The following MSI2 variants were observed in gnomAD, a reference collection of about 807,000 sequenced individuals.
MSI2 encodes the protein RNA-binding protein Musashi homolog 2.
MSI2 carries 17 observed loss-of-function variants against 45.6 expected under a neutral mutation model. The observed-to-expected ratio is 0.37, with a 90% confidence interval of 0.26 to 0.56. The LOEUF is 0.56. Ranked by LOEUF, MSI2 falls within the 20% of genes least tolerant of loss-of-function variation. The probability of loss-of-function intolerance (pLI) is 0.77; values close to 1 mark genes in which losing one functional copy is unlikely to be tolerated. For synonymous variants in MSI2, 156 were observed against 158.2 expected (o/e 0.99, Z 0.11); for missense variants, 293 against 444.2 (o/e 0.66, Z 3.06).
At chr17:57,651,933 C>T (rs1335384266) in intron 10 of MSI2, among the ~76,000 whole-genome samples, 166 bp from the exon 11 acceptor site, 1 of 152,236 alleles carries the variant, frequency 6.6e-6, no homozygotes, top group Admixed American at 6.5e-5. Context: ...TTCCGGAAGC[C>T]TGACAGCCAC....
intron 6 of MSI2, among the ~76,000 whole-genome samples, chr17:57,517,661 A>G (rs1212871101): frequency 1.3e-5 from 2 of 152,128 alleles, no homozygotes; most frequent in African/African-American, 4.8e-5. Flanking sequence ...GGTTACCAAC[A>G]TGCACTCCAA....
chr17:57,447,567 T>C (rs1334019915), intron 6 of MSI2, among the ~76,000 whole-genome samples: 1 of 151,562 alleles, frequency 6.6e-6, no homozygotes, highest in Non-Finnish European at 1.5e-5. Context: ...GGTTGGATGA[T>C]AAGTATGTGG....
intron 10 of MSI2, chr17:57,630,846 A>G (rs1332456715): frequency 6.6e-6 from 1 of 152,286 alleles, no homozygotes; most frequent in Non-Finnish European, 1.5e-5. Context: ...CCTGACTTCC[A>G]TCTGTCACCT....
At chr17:57,450,465 C>T (rs2084995085) in intron 6 of MSI2, among the ~76,000 whole-genome samples, 2 of 145,580 alleles carry the variant, frequency 1.4e-5, no homozygotes, top group South Asian at 4.2e-4. Context: ...TCACTTGAGG[C>T]CAGGAGTTTG....
chr17:57,592,714 C>T (rs144786842), intron 7 of MSI2, among the ~76,000 whole-genome samples: 10 of 152,282 alleles, frequency 6.6e-5, no homozygotes, highest in African/African-American at 2.2e-4. Context: ...AAAGGACCAG[C>T]GGGGAGAATA....
At position 57,652,688 on chromosome 17, in the gene MSI2, C is replaced by T. The variant is rs1435029633; in HGVS notation, c.790+527C>T. On this transcript the variant is annotated intron_variant, in intron 11 of 13. Coordinates refer to ENST00000284073, the MANE Select transcript of MSI2 (RefSeq NM_138962.4). This position sits in a 1 kb window ranked among gnomAD's most constrained non-coding sequence, Gnocchi z 4.1. ...TGAATGAAGCTGCTGTTTCTGGAGCCGCTGTGCCTCCCAGACTCTTCTTAG... is the reference window on the plus strand; with the variant it reads ...TGAATGAAGCTGCTGTTTCTGGAGCTGCTGTGCCTCCCAGACTCTTCTTAG... Among the ~76,000 whole-genome samples, 3 of 152,200 alleles carry T rather than the reference C, an allele frequency of 2.0e-5. No individual in the cohort carries two copies. The highest frequency in any genetic ancestry group is 4.4e-5 in the Non-Finnish European group (3 of 68,024).
chr17:57,483,857 C>T (rs1040644001), intron 6 of MSI2, among the ~76,000 whole-genome samples: 2 of 152,208 alleles, frequency 1.3e-5, no homozygotes, highest in Admixed American at 6.5e-5. Flanking sequence ...GGGAGCAAGA[C>T]CCTCTTCCTC....
At chr17:57,657,735 G>A (rs901187396) in intron 11 of MSI2, among the ~76,000 whole-genome samples, 5 of 152,150 alleles carry the variant, frequency 3.3e-5, no homozygotes, top group African/African-American at 1.2e-4. Flanking sequence ...AGGGGCTGGG[G>A]GACATGAAAG....
At chr17:57,316,628 T>C (rs1380689428) in intron 5 of MSI2, among the ~76,000 whole-genome samples, 1 of 152,224 alleles carries the variant, frequency 6.6e-6, no homozygotes, top group Admixed American at 6.5e-5. Context: ...TCCCAGTCCA[T>C]TCCTACTTTT....
chr17:57,551,204 G>T (rs1203858709), intron 7 of MSI2, among the ~76,000 whole-genome samples: 1 of 152,136 alleles, frequency 6.6e-6, no homozygotes, highest in Non-Finnish European at 1.5e-5. Flanking sequence ...GTGCCGGGAG[G>T]TAAATGGATA....
chr17:57,283,823 G>A (rs1415273855), intron 5 of MSI2, among the ~76,000 whole-genome samples: 4 of 152,206 alleles, frequency 2.6e-5, no homozygotes, highest in African/African-American at 9.6e-5. Flanking sequence ...GGCCTGCCGG[G>A]TCCAGGGGAA....
At chr17:57,409,834 C>T (rs1433109736) in intron 6 of MSI2, among the ~76,000 whole-genome samples, 2 of 151,906 alleles carry the variant, frequency 1.3e-5, no homozygotes, top group African/African-American at 2.4e-5. Context: ...TGGTGAAACC[C>T]TGTCTCTACT....
chr17:57,576,433 A>G (rs1215195288), intron 7 of MSI2, among the ~76,000 whole-genome samples: 1 of 152,210 alleles, frequency 6.6e-6, no homozygotes, highest in African/African-American at 2.4e-5. Context: ...AGACTCTAAA[A>G]TGAATGTTAC....
chr17:57,673,474 C>T (rs528132808), intron 11 of MSI2, among the ~76,000 whole-genome samples: 3 of 152,346 alleles, frequency 2.0e-5, no homozygotes, highest in Admixed American at 2.0e-4. Flanking sequence ...GAAAGTGTGA[C>T]TCTCAGAATG....
chr17:57,445,089 T>G (rs4794738), intron 6 of MSI2, among the ~76,000 whole-genome samples: 19,102 of 152,178 alleles, frequency 0.13, 1,580 homozygotes, highest in East Asian at 0.24. Context: ...TTCCCCAGGA[T>G]GCACTGCCAG....
At chr17:57,576,754 A>T (rs1173817850) in intron 7 of MSI2, among the ~76,000 whole-genome samples, 7 of 48,666 alleles carry the variant, frequency 1.4e-4, no homozygotes, top group Admixed American at 2.5e-4. Flanking sequence ...ATCTGTCTTT[A>T]AAAAAAAAAA....
intron 7 of MSI2, among the ~76,000 whole-genome samples, chr17:57,584,329 C>T (rs941739794): frequency 3.3e-5 from 5 of 152,188 alleles, no homozygotes; most frequent in Non-Finnish European, 7.3e-5. Context: ...AGGCCAGACC[C>T]CACCCCCTGG....
intron 11 of MSI2, among the ~76,000 whole-genome samples, chr17:57,660,326 A>C (rs1181052775): frequency 6.6e-6 from 1 of 152,112 alleles, no homozygotes; most frequent in East Asian, 1.9e-4. Context: ...GGGTTACAAA[A>C]CCAGTCACTG....
intron 7 of MSI2, among the ~76,000 whole-genome samples, chr17:57,579,886 A>T (rs1404848101): frequency 6.6e-6 from 1 of 152,124 alleles, no homozygotes; most frequent in Non-Finnish European, 1.5e-5. Flanking sequence ...TGGAACAGAG[A>T]TTACAACCCA....
Sources: gnomAD v4.1 joint callset for allele counts (sites outside exome capture counted in the v4.1 genomes callset) on GRCh38, gnomAD v4.1.1 for gene constraint, Gnocchi (gnomAD v3.1) non-coding constraint, MANE v1.5 for transcripts, NCBI Gene and HGNC (gene_info 2026-07-23, HGNC 2026-07-21) for gene names.